MSR1: variants seen among roughly 807,000 people sequenced by gnomAD.
MSR1 encodes the protein macrophage scavenger receptor 1, also known as macrophage scavenger receptor types I and II.
A neutral mutation model predicts 47.2 loss-of-function variants in MSR1; 53 were observed. The ratio of observed to expected loss-of-function variants is 1.12; its 90% confidence interval spans 0.90 to 1.41. The LOEUF (loss-of-function observed/expected upper bound fraction) is 1.41, where lower values mean the gene tolerates loss of function less well. MSR1 is among the 40% of genes most tolerant of loss of function. The pLI is 0.00. For missense variants in MSR1, 786 were observed against 546.9 expected (o/e 1.44, Z -4.36); for synonymous variants, 239 against 185.6 (o/e 1.29, Z -2.34).
chr8:16,173,154 T>C (rs896583224), intron 3 of MSR1, among the ~76,000 whole-genome samples: 1 of 152,192 alleles, frequency 6.6e-6, no homozygotes, highest in African/African-American at 2.4e-5. Flanking sequence ...CCTACTGTAG[T>C]TTCAGTAAAC....
At chr8:16,135,299 T>A (rs1233255516) in intron 8 of MSR1, among the ~76,000 whole-genome samples, 3 of 152,250 alleles carry the variant, frequency 2.0e-5, no homozygotes, top group East Asian at 3.9e-4. Context: ...TTGAAGGAAA[T>A]GCTCATTTGC....
intron 3 of MSR1, among the ~76,000 whole-genome samples, chr8:16,171,880 C>T (rs1801497785): frequency 6.6e-6 from 1 of 152,126 alleles, no homozygotes; most frequent in Admixed American, 6.5e-5. Context: ...CTCTATTTCA[C>T]CACCTGTATA....
chr8:16,180,539 T>G (rs557436148), intron 1 of MSR1, among the ~76,000 whole-genome samples: 3 of 152,272 alleles, frequency 2.0e-5, no homozygotes, highest in Non-Finnish European at 2.9e-5. Flanking sequence ...ATTGACAAAT[T>G]TAGCATAAAG....
At chr8:16,175,489 A>G (rs370376925) in intron 2 of MSR1, among the ~76,000 whole-genome samples, 189 bp from the exon 3 acceptor site, 8 of 152,350 alleles carry the variant, frequency 5.3e-5, no homozygotes, top group African/African-American at 1.9e-4. Context: ...AGGTATCATT[A>G]TAGGCACTTG....
intron 4 of MSR1, among the ~76,000 whole-genome samples, chr8:16,167,570 C>T (rs899459472): frequency 6.6e-6 from 1 of 151,162 alleles, no homozygotes; most frequent in Non-Finnish European, 1.5e-5. Flanking sequence ...AACAAACAAA[C>T]AAAAACATTC....
intron 8 of MSR1, among the ~76,000 whole-genome samples, chr8:16,138,261 G>A (rs541220068): frequency 3.1e-4 from 47 of 152,202 alleles, no homozygotes; most frequent in African/African-American, 1.1e-3. Context: ...GAGATATTTA[G>A]GACAGAGCCT....
chr8:16,128,074 A>G (rs1004791265), intron 8 of MSR1, among the ~76,000 whole-genome samples: 1 of 152,184 alleles, frequency 6.6e-6, no homozygotes, highest in African/African-American at 2.4e-5. Context: ...ATAACTATAA[A>G]AACACCAGAA....
chr8:16,136,895 ATT>A (rs1239252072), intron 8 of MSR1, among the ~76,000 whole-genome samples: 1 of 152,004 alleles, frequency 6.6e-6, no homozygotes, highest in African/African-American at 2.4e-5. Flanking sequence ...GCCACCGCTA[ATT>A]TGTGAACCCA....
chr8:16,131,441 G>GTTTTTTTTTTTTTTTTTTTTTTTTTTTT (rs56321577), intron 8 of MSR1, among the ~76,000 whole-genome samples: 2 of 54,686 alleles, frequency 3.7e-5, no homozygotes, highest in Admixed American at 2.4e-4. Context: ...TCTGTTGATA[G>GTTTTTTTTTTTTTTTTTTTTTTTTTTTT]TTTTTTTTTT....
chr8:16,158,232 A>G (rs1488997420), intron 5 of MSR1, among the ~76,000 whole-genome samples: 1 of 152,018 alleles, frequency 6.6e-6, no homozygotes, highest in African/African-American at 2.4e-5. Context: ...ATTCATAAAT[A>G]CTATCACAAT....
chr8:16,121,733 GTTATA>G (rs1356760200), intron 8 of MSR1, among the ~76,000 whole-genome samples: 1 of 151,808 alleles, frequency 6.6e-6, no homozygotes, highest in Admixed American at 6.6e-5. Flanking sequence ...TTTGAGGAAT[GTTATA>G]TTATAAAAAA....
intron 9 of MSR1, among the ~76,000 whole-genome samples, chr8:16,111,652 G>A (rs188129391): frequency 6.6e-5 from 10 of 151,608 alleles, no homozygotes; most frequent in African/African-American, 1.7e-4. Context: ...GGGAATTCAC[G>A]AATGTTAGAA....
At position 16,157,881 on chromosome 8, in the gene MSR1, T is replaced by C. The variant is rs114733764; in HGVS notation, c.818-2737A>G. Among the ~76,000 whole-genome samples, 1,315 of 152,058 alleles carry C rather than the reference T, an allele frequency of 8.6e-3. 24 individuals are homozygous for C. Among genetic ancestry groups the C allele is most frequent in the African/African-American group, 0.03 (1,258 of 41,504 alleles). On this transcript the variant is annotated intron_variant, in intron 5 of 9. Transcript: ENST00000262101. ...CTCAGTGTTGGCTTTCTTCTTCTTTTTGATAAGAATCCGTTTTGCAATGTC... is the reference window on the plus strand; with the variant it reads ...CTCAGTGTTGGCTTTCTTCTTCTTTCTGATAAGAATCCGTTTTGCAATGTC...
chr8:16,160,461 C>T (rs1801130773), intron 5 of MSR1, among the ~76,000 whole-genome samples: 2 of 152,000 alleles, frequency 1.3e-5, no homozygotes, highest in Admixed American at 1.3e-4. Context: ...CTCTAACAGG[C>T]ATTGGGATTG....
At chr8:16,140,497 G>A (rs1800526263) in intron 8 of MSR1, 8 of 990,890 alleles carry the variant, frequency 8.1e-6, no homozygotes, top group South Asian at 9.2e-5. Context: ...AAAGCATGGC[G>A]AGAAATACTA....
rs138375692 is a variant in MSR1 at position 16,179,078 on chromosome 8, T to A, written c.-4-1086A>T. On this transcript the variant is annotated intron_variant, in intron 1 of 9. Coordinates refer to ENST00000262101, the MANE Select transcript of MSR1 (RefSeq NM_138715.3). ...ATCTTTCTATTTACAAACATGTATG[T>A]CTATTTTTAGAGGTGTGTTTTTTGA... Among the ~76,000 whole-genome samples, 1,126 of 152,314 alleles carry A rather than the reference T, an allele frequency of 7.4e-3. 7 individuals are homozygous for A. The highest frequency in any genetic ancestry group is 7.3e-3 in the Non-Finnish European group (500 of 68,030).
chr8:16,160,666 G>C (rs554317367), intron 5 of MSR1, among the ~76,000 whole-genome samples: 1 of 152,080 alleles, frequency 6.6e-6, no homozygotes, highest in African/African-American at 2.4e-5. Context: ...AGTGGAGGAG[G>C]TAACTTCAAG....
At chr8:16,153,955 C>A (rs538937593) in intron 6 of MSR1, among the ~76,000 whole-genome samples, 1 of 151,904 alleles carries the variant, frequency 6.6e-6, no homozygotes, top group Non-Finnish European at 1.5e-5. Context: ...AATACTAATA[C>A]CACCTGACTT....
intron 1 of MSR1, among the ~76,000 whole-genome samples, chr8:16,189,679 T>A (rs1221654686): frequency 2.6e-4 from 18 of 69,660 alleles, no homozygotes; most frequent in African/African-American, 8.6e-4. Flanking sequence ...ATATAAAATC[T>A]TATTTTATAT....
Sources: gnomAD v4.1 joint callset for allele counts (sites outside exome capture counted in the v4.1 genomes callset) on GRCh38, gnomAD v4.1.1 for gene constraint, MANE v1.5 for transcripts, NCBI Gene and HGNC (gene_info 2026-07-23, HGNC 2026-07-21) for gene names.